PAIP2: variants seen among roughly 807,000 people sequenced by gnomAD.
PAIP2 encodes poly(A) binding protein interacting protein 2, also known as polyadenylate-binding protein-interacting protein 2.
A neutral mutation model predicts 14.8 loss-of-function variants in PAIP2; 7 were observed. The observed-to-expected ratio is 0.47, with a 90% CI of 0.27 to 0.89. The LOEUF (loss-of-function observed/expected upper bound fraction) is 0.89. PAIP2 is among the 40% of genes least tolerant of loss of function. The pLI, the probability that PAIP2 is intolerant of heterozygous loss-of-function variation, is 0.13. For synonymous variants in PAIP2, 47 were observed against 45.3 expected, an observed-to-expected ratio of 1.04 and a Z score of -0.15; for missense variants, 122 against 154.7, an observed-to-expected ratio of 0.79 and a Z score of 1.12.
At chr5:139,344,005 G>A (rs757956193) in intron 1 of PAIP2, among the ~76,000 whole-genome samples, 2 of 152,032 alleles carry the variant, frequency 1.3e-5, no homozygotes, top group Non-Finnish European at 2.9e-5. Flanking sequence ...TGCCCATTTG[G>A]GAATTAAAGA....
chr5:139,364,253 G>A (rs530163289), intron 2 of PAIP2, among the ~76,000 whole-genome samples: 12 of 152,282 alleles, frequency 7.9e-5, no homozygotes, highest in Admixed American at 2.0e-4. Context: ...GCTGGTTACC[G>A]TGAAAGTCAA....
chr5:139,342,070 C>T (rs997975957), intron 1 of PAIP2, 90 bp downstream of exon 1: 1 of 152,628 alleles, frequency 6.6e-6, no homozygotes, highest in Non-Finnish European at 1.5e-5. Flanking sequence ...AAAGGGTTCC[C>T]TGGGTGGTTG....
At chr5:139,349,335 G>A (rs1224428653) in intron 1 of PAIP2, among the ~76,000 whole-genome samples, 4 of 151,796 alleles carry the variant, frequency 2.6e-5, no homozygotes, top group African/African-American at 9.7e-5. Flanking sequence ...TGCAACCTCC[G>A]CCTCCTGAGT....
At chr5:139,364,198 T>C (rs961211105) in intron 2 of PAIP2, among the ~76,000 whole-genome samples, 1 of 152,148 alleles carries the variant, frequency 6.6e-6, no homozygotes. Flanking sequence ...GATGGTTCCA[T>C]TGAGCAGTCA....
At chr5:139,346,066 T>G (rs1176399981) in intron 1 of PAIP2, among the ~76,000 whole-genome samples, 1 of 151,800 alleles carries the variant, frequency 6.6e-6, no homozygotes, top group Non-Finnish European at 1.5e-5. Flanking sequence ...TAAGAGGCAT[T>G]TCAGGAGGGG....
intron 1 of PAIP2, among the ~76,000 whole-genome samples, chr5:139,347,178 AGATT>A (rs1371475230): frequency 6.6e-6 from 1 of 151,836 alleles, no homozygotes; most frequent in Non-Finnish European, 1.5e-5. Context: ...TATTGACAAT[AGATT>A]ATCAACAGGA....
At chr5:139,360,338 T>C (rs1757032411) in intron 1 of PAIP2, among the ~76,000 whole-genome samples, 1 of 152,172 alleles carries the variant, frequency 6.6e-6, no homozygotes, top group African/African-American at 2.4e-5. Flanking sequence ...CATCCAAGTT[T>C]AATGATAAAA....
chr5:139,359,786 G>A (rs901884993), intron 1 of PAIP2, among the ~76,000 whole-genome samples: 1 of 151,260 alleles, frequency 6.6e-6, no homozygotes, highest in Admixed American at 6.6e-5. Context: ...CCGGGCCAAC[G>A]TGGTGAAACC....
At position 139,369,454 on chromosome 5, in the gene PAIP2, A is replaced by G. The variant is rs1757512934; in HGVS notation, c.*656A>G. On this transcript the variant is annotated 3_prime_UTR_variant, in exon 4 of 4. Coordinates refer to ENST00000265192, the MANE Select transcript of PAIP2 (RefSeq NM_016480.5). ...GCTATGCCTGTATGGAGTCTAACAT[A>G]TGACCAATACCAACCCATAATCCAG... 1 of 152,302 alleles carries G rather than the reference A, an allele frequency of 6.6e-6. No individual in the cohort carries two copies. 9.4% of individuals were successfully genotyped at this position (152,302 alleles called of 1,614,324 possible). A position where few individuals can be genotyped will look rare whatever the true frequency, so the allele number is the denominator to read the frequency against.
At chr5:139,345,629 T>A (rs1756518235) in intron 1 of PAIP2, among the ~76,000 whole-genome samples, 1 of 150,506 alleles carries the variant, frequency 6.6e-6, no homozygotes, top group South Asian at 2.1e-4. Context: ...TGCTTGAATT[T>A]TTTTTTTTTT....
chr5:139,344,766 G>A (rs1255719203), intron 1 of PAIP2, among the ~76,000 whole-genome samples: 1 of 151,990 alleles, frequency 6.6e-6, no homozygotes, highest in Admixed American at 6.6e-5. Flanking sequence ...TTGAGATTAG[G>A]GTAGACTTTG....
At chr5:139,351,613 G>A (rs965423660) in intron 1 of PAIP2, among the ~76,000 whole-genome samples, 1 of 152,076 alleles carries the variant, frequency 6.6e-6, no homozygotes, top group Non-Finnish European at 1.5e-5. Flanking sequence ...AACTATATAC[G>A]CTTTAGACGT....
At chr5:139,368,688 G>A (rs1253839615) in intron 3 of PAIP2, 45 bp from the exon 4 acceptor site, 1 of 1,327,136 alleles carries the variant, frequency 7.5e-7, no homozygotes, top group South Asian at 1.2e-5. Flanking sequence ...ATTAGTACCT[G>A]AAACTGTGTT....
rs182873993 is a variant in PAIP2, at chr5:139,355,511, T to C, written c.-26-8248T>C. Among the ~76,000 whole-genome samples the C allele has an allele frequency of 5.3e-5, 8 of 152,252 alleles. No homozygotes were observed. In the East Asian group the frequency reaches 1.5e-3, roughly 29 times the overall value. On this transcript the variant is annotated intron_variant, in intron 1 of 3. Coordinates refer to ENST00000265192, the MANE Select transcript of PAIP2 (RefSeq NM_016480.5). The stretch of plus-strand genomic sequence containing the variant: ...ATATTCTCTATTTGGTGAGACATCA[T>C]TCTATGGTTCCTTTTATTTTTTTCT...
At chr5:139,344,024 C>G (rs1044307296) in intron 1 of PAIP2, among the ~76,000 whole-genome samples, 1 of 152,084 alleles carries the variant, frequency 6.6e-6, no homozygotes, top group African/African-American at 2.4e-5. Context: ...GAAATAGAAG[C>G]CTGAAAGATT....
chr5:139,363,864 A>T lies in PAIP2; in HGVS notation c.80A>T (p.Asp27Val). 1 of 1,613,896 alleles carries T rather than the reference A, an allele frequency of 6.2e-7. No homozygotes were observed. Among genetic ancestry groups the T allele is most frequent in the Non-Finnish European group, 8.5e-7 (1 of 1,179,724 alleles). ...DVIINGHSHEDDNPFAEYMWM... is the reference protein window; with the variant it reads ...DVIINGHSHEVDNPFAEYMWM... ...ATTATTAACGGTCATTCTCATGAAG[A>T]TGACAATCCATTTGCAGAGTACATG... The change falls in exon 2 of 4, where the codon GAT becomes GTT. Residue 27 changes from aspartate (D) to valine (V), a missense_variant. Asp to Val is a radical substitution (Grantham distance 152). This residue lies in a region of PAIP2 where 42 missense variants were observed against 36.7 expected (regional missense o/e 1.15). Coordinates refer to ENST00000265192, the MANE Select transcript of PAIP2 (RefSeq NM_016480.5).
At chr5:139,364,019 A>C (rs1392517793) in intron 2 of PAIP2, 97 bp downstream of exon 2, 8 of 1,062,548 alleles carry the variant, frequency 7.5e-6, no homozygotes, top group African/African-American at 3.1e-5. Context: ...CTTTATGTAT[A>C]AAGTATGTAG....
rs369673087 is a variant in PAIP2, at chr5:139,345,348, T to C, written c.-27+3368T>C. 1.6e-4 allele frequency among the ~76,000 whole-genome samples: 24 copies of C among 152,094 alleles called. No homozygotes were observed. In the East Asian group the frequency reaches 4.4e-3, roughly 28 times the overall value. On this transcript the variant is annotated intron_variant, in intron 1 of 3. Transcript: ENST00000265192. ...GCCACCGCGCCCAGCCCAGAGCCCA[T>C]GTTTTTTAATCGTTACCTTACTGTG... is the stretch of plus-strand genomic sequence containing the variant.
chr5:139,357,770 G>T (rs146665723), intron 1 of PAIP2, among the ~76,000 whole-genome samples: 1 of 152,186 alleles, frequency 6.6e-6, no homozygotes. Context: ...GGCAGAGGTT[G>T]CAATGAGCTG....
Sources: gnomAD v4.1 joint callset for allele counts (sites outside exome capture counted in the v4.1 genomes callset) on GRCh38, gnomAD v4.1.1 for gene constraint, gnomAD v4.1.1 regional missense constraint, MANE v1.5 for transcripts, NCBI Gene and HGNC (gene_info 2026-07-23, HGNC 2026-07-21) for gene names.